GATB: variants seen among roughly 807,000 people sequenced by gnomAD.
GATB encodes the protein glutamyl-tRNA(Gln) amidotransferase subunit B, mitochondrial.
In GATB, 39 loss-of-function variants were observed where a neutral mutation model predicts 62.3. The ratio of observed to expected loss-of-function variants is 0.63; its 90% CI spans 0.48 to 0.82. The LOEUF (loss-of-function observed/expected upper bound fraction) is 0.82. Ranked by LOEUF, GATB falls within the 40% of genes least tolerant of loss-of-function variation. The pLI, the probability that GATB is intolerant of heterozygous loss-of-function variation, is 0.00. For missense variants in GATB, 670 were observed against 684.0 expected (o/e 0.98, Z 0.23); for synonymous variants, 276 against 258.9 (o/e 1.07, Z -0.63).
chr4:151,744,728 G>A (rs1235714787), intron 2 of GATB, among the ~76,000 whole-genome samples: 1 of 152,194 alleles, frequency 6.6e-6, no homozygotes, highest in Non-Finnish European at 1.5e-5. Context: ...CCCACTGAAA[G>A]TTAGAAAAAG....
At chr4:151,705,447 T>C (rs1049466290) in intron 6 of GATB, among the ~76,000 whole-genome samples, 178 bp from the exon 7 acceptor site, 1 of 152,130 alleles carries the variant, frequency 6.6e-6, no homozygotes. Flanking sequence ...TCGTAGAATA[T>C]TGGTGTTGGA....
chr4:151,738,276 A>G (rs1176213319), intron 2 of GATB, among the ~76,000 whole-genome samples: 1 of 152,204 alleles, frequency 6.6e-6, no homozygotes. Flanking sequence ...AAAGGAGATC[A>G]TTTTGGAGAT....
chr4:151,751,019 A>G (rs1369655799), intron 2 of GATB, among the ~76,000 whole-genome samples: 1 of 152,116 alleles, frequency 6.6e-6, no homozygotes, highest in African/African-American at 2.4e-5. Flanking sequence ...AAAAGTCCAT[A>G]AAGTCAGTTA....
At chr4:151,731,876 C>T (rs1213927648) in intron 2 of GATB, among the ~76,000 whole-genome samples, 8 of 150,420 alleles carry the variant, frequency 5.3e-5, no homozygotes, top group East Asian at 2.0e-4. Context: ...CCCCTCCGCC[C>T]GGCAGCCACC....
Position 151,697,953 on chromosome 4 carries a change from GTATATATATATATATATATATATA to G in GATB, c.1197+3352_1197+3375del, listed in dbSNP as rs56231389. Among the ~76,000 whole-genome samples the G allele has an allele frequency of 8.9e-3, 362 of 40,618 alleles. 24 individuals carry two copies. The highest frequency in any genetic ancestry group is 0.045 in the African/African-American group (336 of 7,456). 26.6% of individuals were successfully genotyped at this position (40,618 alleles called of 152,430 possible). On this transcript the variant is annotated intron_variant, in intron 9 of 12. Coordinates refer to ENST00000263985, the MANE Select transcript of GATB (RefSeq NM_004564.3). ...TTCATATATATGTGTGTGTGTGTGT[GTATATATATATATATATATATATA>G]TATATATATATATATATGAAATGAA...
At chr4:151,671,328 AAG>A in intron 12 of GATB, 26 bp from the exon 13 acceptor site, 1 of 1,610,672 alleles carries the variant, frequency 6.2e-7, no homozygotes. Context: ...TTACTTACTT[AAG>A]AGGAGAAAAT....
intron 2 of GATB, among the ~76,000 whole-genome samples, chr4:151,737,704 C>T (rs1349184045): frequency 6.6e-6 from 1 of 152,198 alleles, no homozygotes; most frequent in Admixed American, 6.5e-5. Context: ...GGTGCCCCTG[C>T]TGTGTGCAGT....
chr4:151,690,242 A>G (rs1738336595), intron 9 of GATB, among the ~76,000 whole-genome samples: 1 of 152,108 alleles, frequency 6.6e-6, no homozygotes, highest in Admixed American at 6.5e-5. Context: ...ATAATAAAAA[A>G]CCCTACATGT....
intron 9 of GATB, among the ~76,000 whole-genome samples, chr4:151,697,967 A>ATATATATATGTGTG (rs1560847762): frequency 2.0e-5 from 2 of 101,872 alleles, no homozygotes; most frequent in Non-Finnish European, 3.6e-5. Context: ...ATATATATAT[A>ATATATATATGTGTG]TATATATATA....
intron 2 of GATB, among the ~76,000 whole-genome samples, chr4:151,731,160 G>A (rs533409806): frequency 6.8e-5 from 9 of 131,684 alleles, no homozygotes; most frequent in Non-Finnish European, 1.4e-4. Context: ...TCCCTCTGAT[G>A]CCAAGCCGAG....
Position 151,672,904 on chromosome 4 carries a change from C to A in GATB, c.1411-8G>T. On this transcript the variant is annotated splice_polypyrimidine_tract_variant and splice_region_variant and intron_variant, in intron 11 of 12. Transcript: ENST00000263985. ...CCACAGTTCCTCAAACACCTATGGA[C>A]CAGAGAAGGGAGAGGAAAGAGAAAT... 6.2e-7 allele frequency: 1 copy of A among 1,613,858 alleles called. No individual in the cohort carries two copies. Among genetic ancestry groups the A allele is most frequent in the Non-Finnish European group, 8.5e-7 (1 of 1,179,826 alleles).
rs1296012238 is a variant in GATB at position 151,672,875 on chromosome 4, T to G, written c.1432A>C (p.Arg478=). ...ATCTGCCCTGGAGTCTTGCCTTCCC[T>G]CTTCCACAGTTCCTCAAACACCTAT... ...AKQVFEELWK[R]EGKTPGQIVS... is the part of the protein sequence containing the mutation. The change falls in exon 12 of 13, where the codon AGG becomes CGG. Residue 478 remains arginine (R), a synonymous_variant. Transcript: ENST00000263985. 6.2e-7 allele frequency: 1 copy of G among 1,614,202 alleles called. No individual in the cohort carries two copies. The highest frequency in any genetic ancestry group is 1.6e-4 in the Middle Eastern group (1 of 6,062).
intron 2 of GATB, among the ~76,000 whole-genome samples, chr4:151,742,669 A>T (rs1739517179): frequency 6.6e-6 from 1 of 152,238 alleles, no homozygotes; most frequent in Non-Finnish European, 1.5e-5. Context: ...GCTAAGAGGT[A>T]AATATGGAAA....
In GATB at chr4:151,731,844, G is replaced by C. The variant is rs956870303; in HGVS notation, c.328-12306C>G. 3.2e-4 allele frequency among the ~76,000 whole-genome samples: 47 copies of C among 146,632 alleles called. 1 individual carries two copies. The highest frequency in any genetic ancestry group is 1.1e-3 in the African/African-American group (45 of 39,708). On this transcript the variant is annotated intron_variant, in intron 2 of 12. Coordinates refer to ENST00000263985, the MANE Select transcript of GATB (RefSeq NM_004564.3). The stretch of plus-strand genomic sequence containing the variant: ...TGAGGAGCCCCTCTGCCCGGCAGCC[G>C]CCCCATCTGAGAAGTGAGGAGCCCC...
At chr4:151,673,848 C>CCCTTGTTGGGTTACCTTGTGGTTA (rs1737938797) in intron 11 of GATB, 1 of 152,216 alleles carries the variant, frequency 6.6e-6, no homozygotes, top group Non-Finnish European at 1.5e-5. Context: ...ACCCAACTTT[C>CCCTTGTTGGGTTACCTTGTGGTTA]CCTGTTACCT....
chr4:151,685,384 C>A (rs1337879886), intron 10 of GATB, among the ~76,000 whole-genome samples: 1 of 152,210 alleles, frequency 6.6e-6, no homozygotes, highest in Non-Finnish European at 1.5e-5. Context: ...TCATCCCCCA[C>A]ACACTGCAGA....
chr4:151,672,085 G>T (rs189519548), intron 12 of GATB, among the ~76,000 whole-genome samples: 2 of 152,268 alleles, frequency 1.3e-5, no homozygotes, highest in South Asian at 4.2e-4. Context: ...GAGTGTCCCC[G>T]GCAAGCTGAT....
At chr4:151,696,909 G>A (rs1342523444) in intron 9 of GATB, among the ~76,000 whole-genome samples, 2 of 152,184 alleles carry the variant, frequency 1.3e-5, no homozygotes, top group African/African-American at 4.8e-5. Context: ...AACTTGTTAT[G>A]CTATTAGAAT....
intron 2 of GATB, among the ~76,000 whole-genome samples, chr4:151,736,485 A>G (rs1218155985): frequency 6.6e-6 from 1 of 152,158 alleles, no homozygotes; most frequent in Non-Finnish European, 1.5e-5. Flanking sequence ...TGCTTCTCTG[A>G]AAGACATCTG....
Sources: allele counts gnomAD v4.1 joint callset (sites outside exome capture counted in the v4.1 genomes callset), GRCh38; gene constraint gnomAD v4.1.1; transcripts MANE v1.5; gene names NCBI Gene and HGNC (gene_info 2026-07-23, HGNC 2026-07-21).